Variants in TLN2 observed in about 807,000 individuals in gnomAD.
TLN2 encodes the protein talin 2, also known as talin-2.
A neutral mutation model predicts 294.7 loss-of-function variants in TLN2; 118 were observed. That is an observed-to-expected ratio of 0.40 (90% CI 0.34 to 0.47). The LOEUF (loss-of-function observed/expected upper bound fraction) is 0.47, where lower values mean the gene tolerates loss of function less well. TLN2 is among the 20% of genes least tolerant of loss of function. The probability of loss-of-function intolerance (pLI) is 0.84; values close to 1 mark genes in which losing one functional copy is unlikely to be tolerated. For synonymous variants in TLN2, 1,431 were observed against 1,304.5 expected (o/e 1.10, Z -2.09); for missense variants, 3,083 against 3,282.2 (o/e 0.94, Z 1.48).
chr15:62,394,665 C>T (rs1420275078), intron 1 of TLN2, among the ~76,000 whole-genome samples: 3 of 152,106 alleles, frequency 2.0e-5, no homozygotes, highest in Non-Finnish European at 4.4e-5. Context: ...CCCTGCAGGG[C>T]CCACACCCCC....
At position 62,721,626 on chromosome 15, in the gene TLN2, A is replaced by G. The variant is rs116279410; in HGVS notation, c.2992-727A>G. On this transcript the variant is annotated intron_variant, in intron 25 of 58. Transcript: ENST00000636159. ...TATATTAAAAGTCTTAAAAGTATGT[A>G]TGCTCTTTGATCCAGAAATTCAACT... Among the ~76,000 whole-genome samples, 690 of 152,254 alleles carry G rather than the reference A, an allele frequency of 4.5e-3. 3 individuals carry two copies. The highest frequency in any genetic ancestry group is 0.016 in the African/African-American group (663 of 41,584).
chr15:62,610,256 A>G (rs1334304781), intron 2 of TLN2, among the ~76,000 whole-genome samples: 2 of 152,262 alleles, frequency 1.3e-5, no homozygotes, highest in South Asian at 2.1e-4. Context: ...TTATTACAGT[A>G]GTTATATTCT....
At chr15:62,760,848 C>T (rs756383565) in intron 37 of TLN2, among the ~76,000 whole-genome samples, 5 of 152,026 alleles carry the variant, frequency 3.3e-5, no homozygotes, top group South Asian at 2.1e-4. Context: ...AGAGAAAACA[C>T]GTTATGTTTA....
chr15:62,820,679 G>A lies in TLN2; in HGVS notation c.7002+69G>A, dbSNP rs535285414. 2.6e-6 allele frequency: 4 copies of A among 1,564,076 alleles called. No individual in the cohort carries two copies. In the South Asian group the frequency reaches 4.8e-5, roughly 19 times the overall value. ...TTCCAGTGGGTGGCTGTGAAATGGA[G>A]CTAGGAGTGCTGCAGGGAGCTTGGC... On this transcript the variant is annotated intron_variant, in intron 54 of 58. Transcript: ENST00000636159.
chr15:62,800,305 C>A, intron 48 of TLN2, 63 bp from the exon 49 acceptor site: 1 of 1,580,198 alleles, frequency 6.3e-7, no homozygotes, highest in South Asian at 1.2e-5. Context: ...GGCTGCATGC[C>A]TTGGTAAAGC....
chr15:62,716,354 T>A lies in TLN2; in HGVS notation c.2658T>A (p.Asn886Lys). 1 of 1,608,250 alleles carries A rather than the reference T, an allele frequency of 6.2e-7. No individual in the cohort carries two copies. ...AAKGAAANPE[N>K]EDQQQRLREA... ...AGGGGGCTGCAGCCAACCCAGAGAA[T>A]GAGGACCAGCAGCAAAGGCTGAGAG... The change falls in exon 23 of 59, where the codon AAT (asparagine) becomes AAA (lysine). Residue 886 changes from asparagine (N) to lysine (K), a missense_variant. Physicochemically the swap from Asn to Lys is moderately conservative, Grantham distance 94. Transcript: ENST00000636159.
intron 5 of TLN2, among the ~76,000 whole-genome samples, chr15:62,650,789 A>G (rs1043111600): frequency 6.6e-6 from 1 of 152,206 alleles, no homozygotes; most frequent in Non-Finnish European, 1.5e-5. Context: ...AGTAAGAGTG[A>G]AATATGTGAT....
At chr15:62,421,392 G>A (rs1480853901) in intron 1 of TLN2, among the ~76,000 whole-genome samples, 5 of 152,142 alleles carry the variant, frequency 3.3e-5, no homozygotes, top group African/African-American at 4.8e-5. Context: ...TTACTAGGGG[G>A]CAGGTTAACA....
intron 1 of TLN2, among the ~76,000 whole-genome samples, chr15:62,514,519 C>T (rs891818860): frequency 1.3e-5 from 2 of 152,072 alleles, no homozygotes; most frequent in Non-Finnish European, 2.9e-5. Context: ...TCACAGTGGT[C>T]ATTAGCATGT....
At chr15:62,404,313 C>G (rs1202530550) in intron 1 of TLN2, among the ~76,000 whole-genome samples, 1 of 152,178 alleles carries the variant, frequency 6.6e-6, no homozygotes, top group Non-Finnish European at 1.5e-5. Flanking sequence ...CTTAAGCAGT[C>G]TACTTGGCAA....
intron 41 of TLN2, 21 bp from the exon 42 acceptor site, chr15:62,770,942 CT>C (rs34815657): frequency 0.04 from 55,906 of 1,400,318 alleles, no homozygotes; most frequent in South Asian, 0.087. Flanking sequence ...ACATCTCTGG[CT>C]TTTTTTTTTT....
intron 37 of TLN2, among the ~76,000 whole-genome samples, chr15:62,758,359 A>G (rs1450870039): frequency 6.6e-6 from 1 of 152,146 alleles, no homozygotes; most frequent in Non-Finnish European, 1.5e-5. Flanking sequence ...CACACCCCTA[A>G]CCACAGCGGC....
chr15:62,474,471 A>C (rs1019143937), intron 1 of TLN2, among the ~76,000 whole-genome samples: 1 of 151,958 alleles, frequency 6.6e-6, no homozygotes, highest in African/African-American at 2.4e-5. Flanking sequence ...CTGTCTCTAC[A>C]AAAAATAAAA....
chr15:62,418,894 A>G (rs920959741), intron 1 of TLN2, among the ~76,000 whole-genome samples: 1 of 152,184 alleles, frequency 6.6e-6, no homozygotes, highest in African/African-American at 2.4e-5. Flanking sequence ...TTCTTTGTGG[A>G]TCTTCAGTTG....
rs184838942 is a variant in TLN2 at position 62,730,242 on chromosome 15, G to T, written c.3358+3053G>T. On this transcript the variant is annotated intron_variant, in intron 28 of 58. Coordinates refer to ENST00000636159, the MANE Select transcript of TLN2 (RefSeq NM_015059.3). The stretch of plus-strand genomic sequence containing the variant: ...TTTTTAGTAGAGACGGGGTTTCACC[G>T]TGTTGGCCAGGATGGTCTTGATCTT... Among the ~76,000 whole-genome samples the T allele has an allele frequency of 1.7e-3, 256 of 151,962 alleles. 1 individual carries two copies. In the East Asian group the frequency reaches 0.023, roughly 14 times the overall value.
chr15:62,707,593 A>G (rs1033457558), intron 20 of TLN2, among the ~76,000 whole-genome samples: 1 of 152,338 alleles, frequency 6.6e-6, no homozygotes, highest in Non-Finnish European at 1.5e-5. Flanking sequence ...GGGTTCAGAA[A>G]TAATCCACAG....
At chr15:62,662,980 C>T (rs1395666392) in intron 9 of TLN2, among the ~76,000 whole-genome samples, 8 of 151,974 alleles carry the variant, frequency 5.3e-5, no homozygotes, top group Non-Finnish European at 1.0e-4. Context: ...CCTGCCACCA[C>T]GCCCGGCTAA....
chr15:62,818,347 C>T (rs930082866), intron 52 of TLN2, among the ~76,000 whole-genome samples: 17 of 152,162 alleles, frequency 1.1e-4, no homozygotes, highest in South Asian at 8.3e-4. Context: ...CATTGGGAAA[C>T]GTGAGAAAGA....
At chr15:62,805,498 G>T in intron 50 of TLN2, 102 bp from the exon 51 acceptor site, 1 of 1,246,892 alleles carries the variant, frequency 8.0e-7, no homozygotes, top group Non-Finnish European at 1.1e-6. Flanking sequence ...TCCAGTTACT[G>T]GCTCAGTTTT....
Sources: gnomAD v4.1 joint callset for allele counts (sites outside exome capture counted in the v4.1 genomes callset) on GRCh38, gnomAD v4.1.1 for gene constraint, MANE v1.5 for transcripts, NCBI Gene and HGNC (gene_info 2026-07-23, HGNC 2026-07-21) for gene names.